TUSC3: variants seen among roughly 807,000 people sequenced by gnomAD.
TUSC3 encodes tumor suppressor candidate 3.
A neutral mutation model predicts 44.8 loss-of-function variants in TUSC3; 45 were observed. The observed-to-expected ratio is 1.00, with a 90% confidence interval of 0.79 to 1.29. The LOEUF is 1.29. Ranked by LOEUF, TUSC3 falls within the 50% of genes most tolerant of loss-of-function variation. The probability of loss-of-function intolerance (pLI) is 0.00; values close to 1 mark genes in which losing one functional copy is unlikely to be tolerated. For missense variants in TUSC3, 519 were observed against 437.9 expected, an observed-to-expected ratio of 1.19 and a Z score of -1.65; for synonymous variants, 212 against 152.9, an observed-to-expected ratio of 1.39 and a Z score of -2.85.
At chr8:15,477,733 A>C (rs1802175713) in intron 1 of TUSC3, among the ~76,000 whole-genome samples, 2 of 152,102 alleles carry the variant, frequency 1.3e-5, no homozygotes, top group African/African-American at 4.8e-5. Flanking sequence ...AAAACAAATA[A>C]TAATAATTAT....
intron 2 of TUSC3, among the ~76,000 whole-genome samples, chr8:15,532,749 G>T (rs1563276078): frequency 6.6e-6 from 1 of 152,284 alleles, no homozygotes; most frequent in East Asian, 1.9e-4. Context: ...ATTCACGGGG[G>T]CAGGTCTTTC....
chr8:15,565,982 A>T (rs1368973658), intron 1 of TUSC3, among the ~76,000 whole-genome samples: 1 of 152,176 alleles, frequency 6.6e-6, no homozygotes, highest in Non-Finnish European at 1.5e-5. Flanking sequence ...ACTTATTAAA[A>T]ACTAAATACC....
chr8:15,741,519 C>G (rs1234880257), intron 7 of TUSC3, among the ~76,000 whole-genome samples: 1 of 152,078 alleles, frequency 6.6e-6, no homozygotes, highest in Non-Finnish European at 1.5e-5. Context: ...AACCCCAACT[C>G]TACTAAAATA....
At chr8:15,453,762 A>G (rs1188403677) in intron 1 of TUSC3, among the ~76,000 whole-genome samples, 1 of 152,160 alleles carries the variant, frequency 6.6e-6, no homozygotes, top group Non-Finnish European at 1.5e-5. Context: ...AGGGCGGGAG[A>G]GGGCTCCCCC....
At chr8:15,749,412 CA>C (rs1373340707) in intron 9 of TUSC3, among the ~76,000 whole-genome samples, 1 of 152,016 alleles carries the variant, frequency 6.6e-6, no homozygotes, top group Admixed American at 6.6e-5. Context: ...GATTATAATA[CA>C]AGAATAAGAC....
chr8:15,473,713 A>G (rs1800528711), intron 1 of TUSC3, among the ~76,000 whole-genome samples: 1 of 152,188 alleles, frequency 6.6e-6, no homozygotes, highest in African/African-American at 2.4e-5. Flanking sequence ...GGGTGCAAGT[A>G]CAGGGAGTGG....
At chr8:15,539,804 C>A (rs1299626816), upstream of TUSC3, among the ~76,000 whole-genome samples, 1 of 152,106 alleles carries the variant, frequency 6.6e-6, no homozygotes, top group Non-Finnish European at 1.5e-5. Context: ...GTGCCTCAGG[C>A]CTTCCAGTGG....
intron 2 of TUSC3, among the ~76,000 whole-genome samples, chr8:15,527,219 T>C (rs1420644632): frequency 6.6e-6 from 1 of 152,040 alleles, no homozygotes; most frequent in East Asian, 1.9e-4. Context: ...TGAATGCTTA[T>C]TTATTTATTT....
intron 1 of TUSC3, among the ~76,000 whole-genome samples, chr8:15,568,605 CTTT>C (rs113701042): frequency 2.1e-5 from 3 of 140,740 alleles, no homozygotes; most frequent in Admixed American, 7.2e-5. Flanking sequence ...TACACAAATT[CTTT>C]TTTTTTTTTT....
chr8:15,468,684 G>T (rs1003289568), intron 1 of TUSC3, among the ~76,000 whole-genome samples: 4 of 152,070 alleles, frequency 2.6e-5, no homozygotes, highest in African/African-American at 9.7e-5. Context: ...TTCTAGGCCA[G>T]GCTAGAGACT....
chr8:15,612,844 T>A (rs1804820162), intron 1 of TUSC3, among the ~76,000 whole-genome samples: 2 of 152,088 alleles, frequency 1.3e-5, no homozygotes, highest in Non-Finnish European at 1.5e-5. Context: ...TCCCATCTTG[T>A]ATCAGTAAGA....
chr8:15,758,125 T>C, intron 10 of TUSC3: 1 of 1,174,194 alleles, frequency 8.5e-7, no homozygotes, highest in Non-Finnish European at 1.1e-6. Flanking sequence ...AAATATACTT[T>C]CTTAACTTCT....
intron 1 of TUSC3, among the ~76,000 whole-genome samples, chr8:15,436,254 G>C (rs1046478117): frequency 2.0e-5 from 3 of 152,146 alleles, no homozygotes; most frequent in Admixed American, 6.5e-5. Flanking sequence ...TCTGCTGCCT[G>C]GTATTGGTTT....
At chr8:15,428,312 T>C (rs1427537482) in intron 1 of TUSC3, among the ~76,000 whole-genome samples, 1 of 151,708 alleles carries the variant, frequency 6.6e-6, no homozygotes, top group Non-Finnish European at 1.5e-5. Flanking sequence ...TCCTTTTTTA[T>C]GGCTGCATAG....
At chr8:15,684,658 A>T (rs1808555217) in intron 6 of TUSC3, among the ~76,000 whole-genome samples, 1 of 152,138 alleles carries the variant, frequency 6.6e-6, no homozygotes, top group African/African-American at 2.4e-5. Flanking sequence ...ATGTCAGCAC[A>T]TGAGCCCATG....
intron 1 of TUSC3, among the ~76,000 whole-genome samples, chr8:15,464,471 A>G (rs1232323008): frequency 7.2e-5 from 11 of 152,220 alleles, no homozygotes; most frequent in Admixed American, 7.2e-4. Flanking sequence ...AACAGTGCAG[A>G]GAAAAACCTT....
At chr8:15,605,555 GAT>G (rs1421835625) in intron 1 of TUSC3, among the ~76,000 whole-genome samples, 2 of 151,578 alleles carry the variant, frequency 1.3e-5, no homozygotes, top group Admixed American at 6.6e-5. Flanking sequence ...ATTTTTTTAA[GAT>G]ATGTGACAAT....
intron 1 of TUSC3, among the ~76,000 whole-genome samples, chr8:15,421,114 A>G (rs1799732963): frequency 6.6e-6 from 1 of 152,178 alleles, no homozygotes. Context: ...AAACTGAGCT[A>G]CTGATTCTGC....
At chr8:15,711,708 C>T (rs4455831) in intron 6 of TUSC3, among the ~76,000 whole-genome samples, 151,580 of 151,772 alleles carry the variant, frequency 1, 75,694 homozygotes, top group Middle Eastern at 1. Flanking sequence ...AAAATAACTT[C>T]TTGTGAACAA....
Sources: gnomAD v4.1 joint callset for allele counts (sites outside exome capture counted in the v4.1 genomes callset) on GRCh38, gnomAD v4.1.1 for gene constraint, MANE v1.5 for transcripts, NCBI Gene and HGNC (gene_info 2026-07-23, HGNC 2026-07-21) for gene names.